OPRM1: variants seen among roughly 807,000 people sequenced by gnomAD.
The protein encoded by OPRM1 is opioid receptor mu 1, also known as mu-type opioid receptor.
In OPRM1, 27 loss-of-function variants were observed where a neutral mutation model predicts 31.8. The observed-to-expected ratio is 0.85, with a 90% confidence interval of 0.63 to 1.17. The LOEUF (loss-of-function observed/expected upper bound fraction) is 1.17, where lower values mean the gene tolerates loss of function less well. Among genes scored for constraint, OPRM1 ranks in the 50% most tolerant of loss-of-function variants. The pLI, the probability that OPRM1 is intolerant of heterozygous loss-of-function variation, is 0.00. For missense variants in OPRM1, 536 were observed against 511.1 expected (o/e 1.05, Z -0.47); for synonymous variants, 196 against 189.9 (o/e 1.03, Z -0.26).
Position 154,198,311 on chromosome 6 carries a change from G to A in OPRM1, c.1165-48382G>A, listed in dbSNP as rs149003107. On this transcript the variant is annotated intron_variant, in intron 3 of 3. Coordinates refer to the OPRM1 transcript ENST00000337049. ...GACAGCAACTCACAAACCTGAGGGCGGGTTGAGACTACTCTTCCTCACAGT... is the reference window on the plus strand; with the variant it reads ...GACAGCAACTCACAAACCTGAGGGCAGGTTGAGACTACTCTTCCTCACAGT... 3.3e-3 allele frequency among the ~76,000 whole-genome samples: 501 copies of A among 152,190 alleles called. 1 individual carries two copies. Among genetic ancestry groups the A allele is most frequent in the African/African-American group, 0.011 (470 of 41,542 alleles).
chr6:154,215,010 G>T (rs894994903), intron 3 of OPRM1, among the ~76,000 whole-genome samples: 1 of 152,204 alleles, frequency 6.6e-6, no homozygotes, highest in Non-Finnish European at 1.5e-5. Context: ...CACAAAGTGT[G>T]TCTATGACAT....
intron 3 of OPRM1, among the ~76,000 whole-genome samples, chr6:154,101,750 G>A (rs1408245071): frequency 1.3e-5 from 2 of 152,090 alleles, no homozygotes; most frequent in Non-Finnish European, 2.9e-5. Flanking sequence ...AAATGTAAAA[G>A]ATGATAGTGA....
chr6:154,120,055 T>C lies in OPRM1; in HGVS notation c.*1334T>C, dbSNP rs532864372. Among the ~76,000 whole-genome samples, 13 of 152,334 alleles carry C rather than the reference T, an allele frequency of 8.5e-5. No homozygotes were observed. In the East Asian group the frequency reaches 2.3e-3, roughly 27 times the overall value. On this transcript the variant is annotated 3_prime_UTR_variant, in exon 4 of 4. Coordinates refer to ENST00000330432, the MANE Select transcript of OPRM1 (RefSeq NM_000914.5). ...GATCTAGGTAGACAGCCAAGTCAGA[T>C]GGCCCATGCCTAGAAGCTCTCCATT...
At chr6:154,136,579 C>T (rs563715953), downstream of OPRM1, among the ~76,000 whole-genome samples, 18 of 152,150 alleles carry the variant, frequency 1.2e-4, no homozygotes, top group Non-Finnish European at 2.5e-4. Flanking sequence ...TCATGTTCCA[C>T]CTAATCCCTC....
chr6:154,246,547 C>T (rs763481386), intron 3 of OPRM1: 10 of 1,569,394 alleles, frequency 6.4e-6, no homozygotes, highest in Middle Eastern at 1.7e-4. Flanking sequence ...TTAACGTATC[C>T]CTCATTAAAA....
At position 154,017,125 on chromosome 6, in the gene OPRM1, C is replaced by T. The variant is rs115460039; in HGVS notation, c.-1+6107C>T. On this transcript the variant is annotated intron_variant, in intron 1 of 5. Coordinates refer to the OPRM1 transcript ENST00000434900. ...GACATTACATGAAACTAATTTCTCT[C>T]CTCTCTCCCTCTCTCTTCCTCTTCC... 7.1e-3 allele frequency among the ~76,000 whole-genome samples: 1,085 copies of T among 152,252 alleles called. 14 individuals carry two copies. The highest frequency in any genetic ancestry group is 0.025 in the African/African-American group (1,046 of 41,542).
chr6:154,090,018 C>T lies in OPRM1; in HGVS notation c.483C>T (p.Cys161=), dbSNP rs751330024. The T allele has an allele frequency of 1.9e-6, 3 of 1,614,034 alleles. No homozygotes were observed. In the Admixed American group the frequency reaches 5.0e-5, roughly 27 times the overall value. The change falls in exon 2 of 4, where the codon TGC becomes TGT. Residue 161 remains cysteine, a synonymous_variant. Coordinates refer to ENST00000330432, the MANE Select transcript of OPRM1 (RefSeq NM_000914.5). ...YNMFTSIFTL[C]TMSVDRYIAV... Reference sequence around the variant, plus strand: ...TGTTCACCAGCATATTCACCCTCTGCACCATGAGTGTTGATCGATACATTG... The same window carrying T: ...TGTTCACCAGCATATTCACCCTCTGTACCATGAGTGTTGATCGATACATTG...
intron 3 of OPRM1, among the ~76,000 whole-genome samples, chr6:154,099,716 T>G (rs1562470815): frequency 6.8e-6 from 1 of 147,518 alleles, no homozygotes; most frequent in Non-Finnish European, 1.5e-5. Context: ...AGAAACAAGA[T>G]TCATTTCAAA....
intron 3 of OPRM1, among the ~76,000 whole-genome samples, chr6:154,195,444 GC>G (rs1583767546): frequency 6.6e-6 from 1 of 151,998 alleles, no homozygotes; most frequent in Non-Finnish European, 1.5e-5. Flanking sequence ...ACCGTGCCTG[GC>G]CCAGCTACAA....
chr6:154,039,479 G>T lies in OPRM1; in HGVS notation c.-66G>T, dbSNP rs1237960730. Reference sequence around the variant, plus strand: ...GCGAAAGGAAGCGGCTGAGGCGCTTGGAACCCGAAAAGTCTCGGTGCTCCT... The same window carrying T: ...GCGAAAGGAAGCGGCTGAGGCGCTTTGAACCCGAAAAGTCTCGGTGCTCCT... On this transcript the variant is annotated 5_prime_UTR_variant, in exon 1 of 4. It introduces an in-frame stop codon into an upstream open reading frame of the 5' UTR. Transcript: ENST00000330432. 6.4e-7 allele frequency: 1 copy of T among 1,558,540 alleles called. No homozygotes were observed. The highest frequency in any genetic ancestry group is 1.4e-5 in the African/African-American group (1 of 73,464).
intron 3 of OPRM1, among the ~76,000 whole-genome samples, chr6:154,221,558 T>C (rs1778860010): frequency 6.6e-6 from 1 of 152,200 alleles, no homozygotes; most frequent in African/African-American, 2.4e-5. Context: ...GAGTCTTAGC[T>C]GGTCAGTAGT....
At chr6:154,169,421 T>C (rs1045207607) in intron 3 of OPRM1, among the ~76,000 whole-genome samples, 4 of 152,162 alleles carry the variant, frequency 2.6e-5, no homozygotes, top group African/African-American at 9.7e-5. Context: ...GGGGAGTGAT[T>C]CATCCTGAGA....
chr6:154,211,838 T>G (rs1392314628), intron 3 of OPRM1, among the ~76,000 whole-genome samples: 1 of 152,070 alleles, frequency 6.6e-6, no homozygotes, highest in Non-Finnish European at 1.5e-5. Context: ...GACAAAGGAC[T>G]AACACATAGA....
At chr6:154,080,380 G>A (rs1265827638) in intron 1 of OPRM1, among the ~76,000 whole-genome samples, 1 of 152,198 alleles carries the variant, frequency 6.6e-6, no homozygotes, top group Non-Finnish European at 1.5e-5. Flanking sequence ...ATAATTGCAT[G>A]TTACATGTAT....
At chr6:154,090,309 C>CA (rs771278948) in intron 2 of OPRM1, 131 bp downstream of exon 2, 7 of 645,958 alleles carry the variant, frequency 1.1e-5, no homozygotes, top group Admixed American at 3.1e-5. Flanking sequence ...TTCTTCCTAG[C>CA]AAAAAAAGCC....
At chr6:154,108,283 TA>T (rs2128513411) in intron 3 of OPRM1, 1 of 326,712 alleles carries the variant, frequency 3.1e-6, no homozygotes, top group Admixed American at 4.8e-5. Context: ...CCATCATCTT[TA>T]ATCCGACCTC....
At chr6:154,212,990 TG>T (rs1431283937) in intron 3 of OPRM1, 9 of 668,454 alleles carry the variant, frequency 1.3e-5, no homozygotes, top group East Asian at 2.7e-5. Context: ...ATGAACTACC[TG>T]GTAACTACCT....
chr6:154,075,787 A>G (rs1026559451), intron 1 of OPRM1, among the ~76,000 whole-genome samples: 1 of 152,164 alleles, frequency 6.6e-6, no homozygotes, highest in African/African-American at 2.4e-5. Flanking sequence ...GAGACTTCCC[A>G]TCTGTTAGAG....
intron 3 of OPRM1, among the ~76,000 whole-genome samples, chr6:154,100,006 A>AT (rs1323961386): frequency 7.5e-6 from 1 of 133,060 alleles, no homozygotes; most frequent in Non-Finnish European, 1.6e-5. Context: ...TTATCATATT[A>AT]TGATATATAT....
Sources: gnomAD v4.1 joint callset for allele counts (sites outside exome capture counted in the v4.1 genomes callset) on GRCh38, gnomAD v4.1.1 for gene constraint, MANE v1.5 for transcripts, NCBI Gene and HGNC (gene_info 2026-07-23, HGNC 2026-07-21) for gene names.